The following RASGRF2 variants were observed in gnomAD, a reference collection of about 807,000 sequenced individuals.
RASGRF2 encodes the protein Ras protein specific guanine nucleotide releasing factor 2, also known as ras-specific guanine nucleotide-releasing factor 2.
In RASGRF2, 76 loss-of-function variants were observed where a neutral mutation model predicts 151.0. The ratio of observed to expected loss-of-function variants is 0.50; its 90% confidence interval spans 0.42 to 0.61. RASGRF2 has a LOEUF of 0.61. Among genes scored for constraint, RASGRF2 ranks in the 20% least tolerant of loss-of-function variants. RASGRF2 has a pLI of 0.00. For synonymous variants in RASGRF2, 504 were observed against 566.5 expected, an observed-to-expected ratio of 0.89 and a Z score of 1.57; for missense variants, 1,148 against 1,564.6, an observed-to-expected ratio of 0.73 and a Z score of 4.49.
intron 17 of RASGRF2, among the ~76,000 whole-genome samples, chr5:81,146,197 C>A (rs1000367408): frequency 6.6e-6 from 1 of 152,138 alleles, no homozygotes; most frequent in African/African-American, 2.4e-5. Context: ...GTTTGAGAGC[C>A]TAGAGCAGTT....
chr5:80,993,156 A>T (rs1042566842), intron 1 of RASGRF2, among the ~76,000 whole-genome samples: 1 of 152,148 alleles, frequency 6.6e-6, no homozygotes, highest in East Asian at 1.9e-4. Flanking sequence ...AGGCTTTTCT[A>T]TAGGGGCCCA....
At chr5:81,187,865 T>C (rs368510561) in intron 18 of RASGRF2, among the ~76,000 whole-genome samples, 1 of 152,236 alleles carries the variant, frequency 6.6e-6, no homozygotes, top group Admixed American at 6.5e-5. Flanking sequence ...TTTTGTTGAC[T>C]ATTTGGCATT....
At chr5:81,042,739 TG>T (rs1750715131) in intron 1 of RASGRF2, 137 bp from the exon 2 acceptor site, 1 of 607,436 alleles carries the variant, frequency 1.6e-6, no homozygotes, top group Non-Finnish European at 2.9e-6. Context: ...CAGAGTGAAA[TG>T]TTACATTTTG....
chr5:81,116,642 C>T (rs542968187), intron 15 of RASGRF2, among the ~76,000 whole-genome samples: 178 of 152,260 alleles, frequency 1.2e-3, no homozygotes, highest in Middle Eastern at 3.4e-3. Context: ...ATAACTTTTT[C>T]ATCGTGCAAA....
chr5:81,139,164 A>T (rs1439590446), intron 17 of RASGRF2, among the ~76,000 whole-genome samples: 1 of 152,108 alleles, frequency 6.6e-6, no homozygotes, highest in Non-Finnish European at 1.5e-5. Flanking sequence ...TGTTATTGTG[A>T]ATAGAATTGT....
chr5:81,220,043 C>T (rs945629040), intron 26 of RASGRF2, among the ~76,000 whole-genome samples: 2 of 151,994 alleles, frequency 1.3e-5, no homozygotes, highest in Non-Finnish European at 2.9e-5. Context: ...TCCAAGCTGC[C>T]GATATCTGTT....
chr5:81,068,228 A>G (rs994104219), intron 3 of RASGRF2, 49 bp downstream of exon 3: 16 of 1,575,996 alleles, frequency 1.0e-5, no homozygotes, highest in Non-Finnish European at 1.3e-5. Flanking sequence ...GTTTACCGTC[A>G]TTTCCTCATG....
Position 81,094,363 on chromosome 5 carries a change from G to C in RASGRF2, c.1618+1G>C. 1 of 1,610,130 alleles carries C rather than the reference G, an allele frequency of 6.2e-7. No individual in the cohort carries two copies. Among genetic ancestry groups the C allele is most frequent in the Non-Finnish European group, 8.5e-7 (1 of 1,177,582 alleles). The stretch of plus-strand genomic sequence containing the variant: ...GAGCCAGATGCAAGCGATGATGACT[G>C]TAAGTCACCTTCGATCACTTAGGAT... On this transcript the variant is annotated splice_donor_variant, in intron 11 of 26. Transcript: ENST00000265080. LOFTEE classifies it high-confidence loss of function.
intron 1 of RASGRF2, among the ~76,000 whole-genome samples, chr5:81,002,038 A>G (rs1749098072): frequency 6.6e-6 from 1 of 152,212 alleles, no homozygotes; most frequent in Admixed American, 6.5e-5. Flanking sequence ...TTATCACTGT[A>G]GTTTTTTAGC....
chr5:81,193,041 G>T (rs1218736612), intron 18 of RASGRF2, among the ~76,000 whole-genome samples: 1 of 152,132 alleles, frequency 6.6e-6, no homozygotes, highest in Non-Finnish European at 1.5e-5. Flanking sequence ...AATCCACTCT[G>T]CAGTATTTTC....
At chr5:81,133,227 A>G (rs929124857) in intron 17 of RASGRF2, among the ~76,000 whole-genome samples, 4 of 152,234 alleles carry the variant, frequency 2.6e-5, no homozygotes, top group Non-Finnish European at 5.9e-5. Context: ...TGAGTAGAGC[A>G]GCATGATGTA....
At chr5:81,197,388 G>A (rs956262995) in intron 18 of RASGRF2, among the ~76,000 whole-genome samples, 1 of 148,222 alleles carries the variant, frequency 6.7e-6, no homozygotes, top group Non-Finnish European at 1.5e-5. Flanking sequence ...CCCGGGAAGC[G>A]GAGCTTGCAG....
chr5:81,080,399 C>A (rs1314491608), intron 6 of RASGRF2, among the ~76,000 whole-genome samples, 197 bp from the exon 7 acceptor site: 1 of 152,122 alleles, frequency 6.6e-6, no homozygotes, highest in Non-Finnish European at 1.5e-5. Flanking sequence ...TTTCCCCTGG[C>A]CTGTCATAGT....
chr5:81,014,604 C>T (rs1291591599), intron 1 of RASGRF2, among the ~76,000 whole-genome samples: 2 of 152,198 alleles, frequency 1.3e-5, no homozygotes, highest in African/African-American at 2.4e-5. Flanking sequence ...AACACCCAGT[C>T]ACCAAACCCT....
At chr5:80,984,287 C>T (rs1259662882) in intron 1 of RASGRF2, among the ~76,000 whole-genome samples, 1 of 152,208 alleles carries the variant, frequency 6.6e-6, no homozygotes, top group Non-Finnish European at 1.5e-5. Context: ...CTCCTGGCCT[C>T]AAGTGATCCA....
chr5:81,140,384 T>C (rs1050908639), intron 17 of RASGRF2, among the ~76,000 whole-genome samples: 13 of 151,970 alleles, frequency 8.6e-5, no homozygotes, highest in Non-Finnish European at 1.9e-4. Context: ...ACCAGTACTT[T>C]AACAATGGTC....
chr5:80,966,254 A>G (rs1411786895), intron 1 of RASGRF2, among the ~76,000 whole-genome samples: 1 of 152,154 alleles, frequency 6.6e-6, no homozygotes, highest in Non-Finnish European at 1.5e-5. Context: ...TATAAATCCC[A>G]TCTATCTATA....
intron 20 of RASGRF2, 47 bp from the exon 21 acceptor site, chr5:81,207,199 A>G (rs1225821055): frequency 4.8e-5 from 71 of 1,486,454 alleles, no homozygotes; most frequent in Non-Finnish European, 6.6e-5. Context: ...ATGAGATGGC[A>G]GGCGCCCTCT....
At position 81,000,823 on chromosome 5, in the gene RASGRF2, C is replaced by T. The variant is rs146177443; in HGVS notation, c.288+39797C>T. Among the ~76,000 whole-genome samples the T allele has an allele frequency of 4.3e-3, 650 of 152,290 alleles. 1 individual carries two copies. Among genetic ancestry groups the T allele is most frequent in the South Asian group, 0.013 (63 of 4,830 alleles). On this transcript the variant is annotated intron_variant, in intron 1 of 26. Transcript: ENST00000265080. ...GAAAGGCTCTGTTCAATCTGGATTTCTTCAGCATGATACTCAAAATACAGA... is the reference window on the plus strand; with the variant it reads ...GAAAGGCTCTGTTCAATCTGGATTTTTTCAGCATGATACTCAAAATACAGA...
Sources: gnomAD v4.1 joint callset for allele counts (sites outside exome capture counted in the v4.1 genomes callset) on GRCh38, gnomAD v4.1.1 for gene constraint, MANE v1.5 for transcripts, NCBI Gene and HGNC (gene_info 2026-07-23, HGNC 2026-07-21) for gene names.